Variants in C14orf132 observed in about 807,000 individuals in gnomAD.
The protein encoded by C14orf132 is chromosome 14 open reading frame 132.
In C14orf132, 6 loss-of-function variants were observed where a neutral mutation model predicts 5.8. That is an observed-to-expected ratio of 1.03 (90% CI 0.57 to 2.04). The LOEUF (loss-of-function observed/expected upper bound fraction) is 2.04, where lower values mean the gene tolerates loss of function less well. Among genes scored for constraint, C14orf132 ranks in the 30% most tolerant of loss-of-function variants. The pLI is 0.00. For missense variants in C14orf132, 125 were observed against 115.8 expected, an observed-to-expected ratio of 1.08 and a Z score of -0.37; for synonymous variants, 51 against 49.8, an observed-to-expected ratio of 1.02 and a Z score of -0.10.
chr14:96,046,552 G>A (rs2139643282), intron 1 of C14orf132, among the ~76,000 whole-genome samples: 2 of 152,298 alleles, frequency 1.3e-5, no homozygotes, highest in Middle Eastern at 3.4e-3. Flanking sequence ...TACATATTGG[G>A]GAGATCCAAG....
rs371381526 is a variant in C14orf132 at position 96,049,653 on chromosome 14, T to TATATATATATAGAG, written c.27+10127_27+10128insTATATATATAGAGA. Among the ~76,000 whole-genome samples the TATATATATATAGAG allele has an allele frequency of 2.7e-4, 22 of 82,280 alleles. 2 individuals are homozygous for TATATATATATAGAG. Among genetic ancestry groups the TATATATATATAGAG allele is most frequent in the African/African-American group, 8.7e-4 (19 of 21,758 alleles). The allele number at this position is 82,280 out of a possible 152,430, so 54.0% of individuals were successfully genotyped here. On this transcript the variant is annotated intron_variant, in intron 1 of 1. Transcript: ENST00000555004. ...ATACATATATACGTATATATATATA[T>TATATATATATAGAG]AGAGAGAGAGAGAGAGAGAGTTCTG...
rs1888219336 is a variant in C14orf132 at position 96,087,042 on chromosome 14, A to C, written c.*307A>C. 2.4e-6 allele frequency: 1 copy of C among 424,112 alleles called. No individual in the cohort carries two copies. Among genetic ancestry groups the C allele is most frequent in the Non-Finnish European group, 4.3e-6 (1 of 234,030 alleles). The allele number at this position is 424,112 out of a possible 1,614,324, so 26.3% of individuals were successfully genotyped here. ...TGGGACCAGATGAGACAGCTAGTTAAGTTTAAAACATAGACATGATTTGAT... is the reference window on the plus strand; with the variant it reads ...TGGGACCAGATGAGACAGCTAGTTACGTTTAAAACATAGACATGATTTGAT... On this transcript the variant is annotated 3_prime_UTR_variant, in exon 2 of 2. Transcript: ENST00000555004.
intron 1 of C14orf132, among the ~76,000 whole-genome samples, chr14:96,060,450 G>T (rs1437649207): frequency 6.6e-6 from 1 of 152,194 alleles, no homozygotes; most frequent in Non-Finnish European, 1.5e-5. Context: ...GCTTTATGAT[G>T]TGTAGAGTTC....
At chr14:96,080,838 G>A (rs1888010658) in intron 1 of C14orf132, among the ~76,000 whole-genome samples, 1 of 152,152 alleles carries the variant, frequency 6.6e-6, no homozygotes, top group African/African-American at 2.4e-5. Flanking sequence ...GGGACCCCAA[G>A]CCTGGGGCAC....
intron 1 of C14orf132, among the ~76,000 whole-genome samples, chr14:96,042,901 T>C (rs902849498): frequency 6.6e-6 from 1 of 152,248 alleles, no homozygotes; most frequent in Admixed American, 6.5e-5. Flanking sequence ...CATTCATTTC[T>C]CTTAGGCCAG....
intron 1 of C14orf132, among the ~76,000 whole-genome samples, chr14:96,063,651 A>G (rs1307037552): frequency 2.0e-5 from 3 of 152,262 alleles, no homozygotes; most frequent in East Asian, 3.9e-4. Flanking sequence ...ACGTCCCTAC[A>G]TTGGCTTAGG....
intron 1 of C14orf132, among the ~76,000 whole-genome samples, chr14:96,068,994 GTCT>G (rs1455329841): frequency 6.6e-6 from 1 of 151,692 alleles, no homozygotes; most frequent in Non-Finnish European, 1.5e-5. Context: ...TGAGACATTG[GTCT>G]TCTGCTCTCG....
Position 96,039,944 on chromosome 14 carries a change from C to T in C14orf132, c.27+417C>T, listed in dbSNP as rs1886642122. On this transcript the variant is annotated intron_variant, in intron 1 of 1. Transcript: ENST00000555004. The surrounding 1 kb of genome is among the most constrained non-coding windows in gnomAD (Gnocchi z 5.3). ...TCTCGCCCTTCCCCACTCTGTTTTC[C>T]CGAGGCGCCAGTAATCTGTCTCTTG... Among the ~76,000 whole-genome samples, 1 of 152,210 alleles carries T rather than the reference C, an allele frequency of 6.6e-6. No individual in the cohort carries two copies. Among genetic ancestry groups the T allele is most frequent in the African/African-American group, 2.4e-5 (1 of 41,466 alleles).
intron 1 of C14orf132, among the ~76,000 whole-genome samples, chr14:96,059,156 A>T (rs551877484): frequency 6.6e-6 from 1 of 152,198 alleles, no homozygotes; most frequent in African/African-American, 2.4e-5. Context: ...AGCCAGGTGC[A>T]CATCTGTAGT....
rs1202984369 is a variant in C14orf132 at position 96,060,958 on chromosome 14, T to C, written c.27+21431T>C. Reference sequence around the variant, plus strand: ...TTGAATAGGAAGGAAAACAGTAAGCTCATAATTCTCAAGTTTGAAAAAGTC... The same window carrying C: ...TTGAATAGGAAGGAAAACAGTAAGCCCATAATTCTCAAGTTTGAAAAAGTC... On this transcript the variant is annotated intron_variant, in intron 1 of 1. Coordinates refer to ENST00000555004, the MANE Select transcript of C14orf132 (RefSeq NM_001252507.3). 4.6e-5 allele frequency among the ~76,000 whole-genome samples: 7 copies of C among 152,168 alleles called. No homozygotes were observed. The East Asian group carries it at 1.3e-3, about 29-fold the overall frequency.
chr14:96,088,080 A>G lies in C14orf132; in HGVS notation c.*1345A>G, dbSNP rs1487346472. On this transcript the variant is annotated 3_prime_UTR_variant, in exon 2 of 2. Coordinates refer to ENST00000555004, the MANE Select transcript of C14orf132 (RefSeq NM_001252507.3). ...CTCACTTTATACACTGCAAAAACAGAAGAATTGTGTCAATAACACCCTCTG... is the reference window on the plus strand; with the variant it reads ...CTCACTTTATACACTGCAAAAACAGGAGAATTGTGTCAATAACACCCTCTG... 1.3e-5 allele frequency: 2 copies of G among 152,086 alleles called. No individual in the cohort carries two copies. Among genetic ancestry groups the G allele is most frequent in the Admixed American group, 6.5e-5 (1 of 15,280 alleles). 9.4% of individuals were successfully genotyped at this position (152,086 alleles called of 1,614,324 possible).
chr14:96,077,092 C>T (rs569138740), intron 1 of C14orf132, among the ~76,000 whole-genome samples: 8 of 152,328 alleles, frequency 5.3e-5, no homozygotes, highest in South Asian at 2.1e-4. Context: ...GACTATTTCA[C>T]GTGCCCATGA....
At chr14:96,062,184 G>A (rs141720596) in intron 1 of C14orf132, among the ~76,000 whole-genome samples, 351 of 152,154 alleles carry the variant, frequency 2.3e-3, no homozygotes, top group Non-Finnish European at 3.5e-3. Flanking sequence ...TCCATGGATC[G>A]AGTCCCTGCC....
Position 96,039,740 on chromosome 14 carries a change from C to T in C14orf132, c.27+213C>T, listed in dbSNP as rs1886634486. ...GTGGGGCGGGCTGCGCGCCCCGCAC[C>T]CCCGCGGCTCGAGCTGTTCCCGCCC... On this transcript the variant is annotated intron_variant, in intron 1 of 1. Transcript: ENST00000555004. This position sits in a 1 kb window ranked among gnomAD's most constrained non-coding sequence, Gnocchi z 5.3. Among the ~76,000 whole-genome samples the T allele has an allele frequency of 6.6e-6, 1 of 152,152 alleles. No individual in the cohort carries two copies. The highest frequency in any genetic ancestry group is 2.1e-4 in the South Asian group (1 of 4,834).
rs79243542 is a variant in C14orf132 at position 96,073,342 on chromosome 14, T to C, written c.28-13169T>C. On this transcript the variant is annotated intron_variant, in intron 1 of 1. Coordinates refer to ENST00000555004, the MANE Select transcript of C14orf132 (RefSeq NM_001252507.3). The stretch of plus-strand genomic sequence containing the variant: ...TCTTTTACCTATTTTTAAAACTGGG[T>C]TGTTTTCCAGCCTCATTAAAAAGTG... Among the ~76,000 whole-genome samples, 2,571 of 152,264 alleles carry C rather than the reference T, an allele frequency of 0.017. 245 individuals carry two copies. The East Asian group carries it at 0.28, about 17-fold the overall frequency.
At chr14:96,072,765 T>C (rs1735200425) in intron 1 of C14orf132, among the ~76,000 whole-genome samples, 1 of 152,220 alleles carries the variant, frequency 6.6e-6, no homozygotes, top group African/African-American at 2.4e-5. Context: ...CTTCATTCAG[T>C]GTAACCTAAT....
At chr14:96,069,155 T>TA (rs1356672437) in intron 1 of C14orf132, among the ~76,000 whole-genome samples, 1 of 110,882 alleles carries the variant, frequency 9.0e-6, no homozygotes, top group Non-Finnish European at 1.9e-5. Context: ...CACTTCCTCA[T>TA]AATAAATCTC....
At chr14:96,067,800 C>G (rs1443647950) in intron 1 of C14orf132, among the ~76,000 whole-genome samples, 3 of 152,022 alleles carry the variant, frequency 2.0e-5, no homozygotes, top group Non-Finnish European at 4.4e-5. Flanking sequence ...CTTCCACCAG[C>G]TTAGGTGCTC....
At chr14:96,060,904 A>G (rs1159496362) in intron 1 of C14orf132, among the ~76,000 whole-genome samples, 1 of 152,232 alleles carries the variant, frequency 6.6e-6, no homozygotes, top group African/African-American at 2.4e-5. Context: ...GCCCATTTCC[A>G]TAGCCCATTG....
Sources: allele counts gnomAD v4.1 joint callset (sites outside exome capture counted in the v4.1 genomes callset), GRCh38; gene constraint gnomAD v4.1.1; non-coding constraint Gnocchi (gnomAD v3.1); transcripts MANE v1.5; gene names NCBI Gene and HGNC (gene_info 2026-07-23, HGNC 2026-07-21).